Variants in GABRG2 observed in about 807,000 individuals in gnomAD.
The protein encoded by GABRG2 is gamma-aminobutyric acid type A receptor subunit gamma2.
GABRG2 carries 16 observed loss-of-function variants against 56.4 expected under a neutral mutation model. The ratio of observed to expected loss-of-function variants is 0.28; its 90% CI spans 0.19 to 0.43. The LOEUF is 0.43. GABRG2 is among the 20% of genes least tolerant of loss of function. GABRG2 has a pLI of 1.00. For missense variants in GABRG2, 327 were observed against 582.7 expected (o/e 0.56, Z 4.52); for synonymous variants, 208 against 205.5 (o/e 1.01, Z -0.10).
chr5:162,149,337 C>T (rs1046321314), intron 8 of GABRG2, 24 bp downstream of exon 8: 2 of 1,608,884 alleles, frequency 1.2e-6, no homozygotes. Flanking sequence ...TCCATTGGCA[C>T]CATTGAAATT....
intron 6 of GABRG2, among the ~76,000 whole-genome samples, chr5:162,123,965 TTATCCA>T (rs1763144937): frequency 6.6e-6 from 1 of 151,916 alleles, no homozygotes; most frequent in Non-Finnish European, 1.5e-5. Context: ...TGATTCTCTT[TTATCCA>T]TATAAGCAAA....
At chr5:162,078,290 A>G (rs1263741217) in intron 1 of GABRG2, among the ~76,000 whole-genome samples, 1 of 148,026 alleles carries the variant, frequency 6.8e-6, no homozygotes, top group African/African-American at 2.5e-5. Context: ...GTTATGCCAC[A>G]TTAAAATTAA....
intron 1 of GABRG2, among the ~76,000 whole-genome samples, chr5:162,084,671 C>T (rs1260685231): frequency 1.3e-5 from 2 of 151,802 alleles, no homozygotes; most frequent in Non-Finnish European, 2.9e-5. Context: ...CAGTATATGC[C>T]GCACCTTGCA....
intron 1 of GABRG2, among the ~76,000 whole-genome samples, chr5:162,068,890 G>A (rs1758447386): frequency 6.6e-6 from 1 of 152,122 alleles, no homozygotes; most frequent in Admixed American, 6.6e-5. Flanking sequence ...GGTGGAGAAC[G>A]TAGTTAAATG....
chr5:162,070,979 A>G (rs937698434), intron 1 of GABRG2, among the ~76,000 whole-genome samples: 1 of 149,334 alleles, frequency 6.7e-6, no homozygotes, highest in Non-Finnish European at 1.5e-5. Flanking sequence ...ATACTTTATT[A>G]TTCAGTTGGG....
chr5:162,149,697 T>C, intron 8 of GABRG2: 1 of 515,880 alleles, frequency 1.9e-6, no homozygotes, highest in Non-Finnish European at 3.8e-6. Context: ...TACTGCAACC[T>C]CTGCCTCCTA....
intron 6 of GABRG2, among the ~76,000 whole-genome samples, chr5:162,118,999 G>C (rs369196313): frequency 1.3e-5 from 2 of 152,096 alleles, no homozygotes; most frequent in African/African-American, 4.8e-5. Flanking sequence ...GCATTGGACT[G>C]TTTTGAAGTC....
intron 6 of GABRG2, among the ~76,000 whole-genome samples, chr5:162,125,762 A>G (rs1049730390): frequency 2.0e-5 from 3 of 151,816 alleles, no homozygotes; most frequent in African/African-American, 7.2e-5. Flanking sequence ...AAAAACTTAC[A>G]CAGAGTAAGG....
rs1175677230 is a variant in GABRG2, at chr5:162,154,695, G to A, written c.*1327G>A. ...TGTGTATTATTTTTCCAGGTTTGGG[G>A]ATGAGTCAGTCCTTGCCCATCCACA... is the stretch of plus-strand genomic sequence containing the variant. On this transcript the variant is annotated 3_prime_UTR_variant, in exon 10 of 10. Transcript: ENST00000639213. 6.6e-6 allele frequency: 1 copy of A among 152,050 alleles called. No homozygotes were observed. The highest frequency in any genetic ancestry group is 1.5e-5 in the Non-Finnish European group (1 of 68,004). 9.4% of individuals were successfully genotyped at this position (152,050 alleles called of 1,614,324 possible).
intron 1 of GABRG2, among the ~76,000 whole-genome samples, chr5:162,073,267 G>GTT (rs34161555): frequency 6.7e-6 from 1 of 148,240 alleles, no homozygotes; most frequent in Non-Finnish European, 1.5e-5. Context: ...CTGAAATTAG[G>GTT]TTTTTTTTTT....
chr5:162,095,376 T>C (rs1320097447), intron 2 of GABRG2, 119 bp from the exon 3 acceptor site: 1 of 698,986 alleles, frequency 1.4e-6, no homozygotes, highest in African/African-American at 1.8e-5. Context: ...TGGTACCAAA[T>C]TAGTTGTGAA....
intron 6 of GABRG2, among the ~76,000 whole-genome samples, chr5:162,104,468 G>A (rs918898857): frequency 2.0e-5 from 3 of 152,104 alleles, no homozygotes; most frequent in African/African-American, 4.8e-5. Flanking sequence ...ATCCATCAGT[G>A]GATAATAGAA....
intron 6 of GABRG2, among the ~76,000 whole-genome samples, chr5:162,119,252 C>G (rs1351937968): frequency 6.6e-6 from 1 of 152,088 alleles, no homozygotes; most frequent in Non-Finnish European, 1.5e-5. Flanking sequence ...CCTCTAGTCT[C>G]TATTCTGTCT....
At chr5:162,067,564 G>A (rs1581274722), upstream of GABRG2, 2 of 460,034 alleles carry the variant, frequency 4.3e-6, no homozygotes, top group African/African-American at 2.0e-5. Context: ...CACCCACAGG[G>A]CTCTGCCCCC....
chr5:162,112,792 T>C (rs1386459800), intron 6 of GABRG2, among the ~76,000 whole-genome samples: 2 of 152,158 alleles, frequency 1.3e-5, no homozygotes, highest in Admixed American at 1.3e-4. Flanking sequence ...CTGCCATTCA[T>C]GTAATACATT....
At chr5:162,097,409 C>A (rs190083292) in intron 3 of GABRG2, among the ~76,000 whole-genome samples, 1 of 152,200 alleles carries the variant, frequency 6.6e-6, no homozygotes, top group Admixed American at 6.5e-5. Context: ...TCCTCTTTTG[C>A]CAGAACTCAC....
chr5:162,153,274 G>GC lies in GABRG2; in HGVS notation c.1335dup (p.Ile446HisfsTer20). 1 of 1,613,976 alleles carries GC rather than the reference G, an allele frequency of 6.2e-7. No homozygotes were observed. Among genetic ancestry groups the GC allele is most frequent in the Non-Finnish European group, 8.5e-7 (1 of 1,179,954 alleles). On this transcript the variant is annotated frameshift_variant, in exon 10 of 10. Transcript: ENST00000639213. LOFTEE classifies it high-confidence loss of function. ...TGGAGACATGGGAGGATACATATCCGCATTGCCAAAATGGACTCCTATGCT... is the reference window on the plus strand; with the variant it reads ...TGGAGACATGGGAGGATACATATCCGCCATTGCCAAAATGGACTCCTATGCT...
chr5:162,124,958 ATGTGTGTGTGTGTGTGTGTG>A (rs55993809), intron 6 of GABRG2, among the ~76,000 whole-genome samples: 1 of 143,888 alleles, frequency 6.9e-6, no homozygotes, highest in African/African-American at 2.6e-5. Flanking sequence ...GTATAAAGAG[ATGTGTGTGTGTGTGTGTGTG>A]TGTGTGTGTG....
chr5:162,071,852 A>G (rs151227361), intron 1 of GABRG2, among the ~76,000 whole-genome samples: 28 of 152,026 alleles, frequency 1.8e-4, no homozygotes, highest in Admixed American at 1.8e-3. Context: ...TAGACTGGGT[A>G]GACTATTTGA....
Sources: gnomAD v4.1 joint callset for allele counts (sites outside exome capture counted in the v4.1 genomes callset) on GRCh38, gnomAD v4.1.1 for gene constraint, MANE v1.5 for transcripts, NCBI Gene and HGNC (gene_info 2026-07-23, HGNC 2026-07-21) for gene names.